Variants in COL6A6 observed in about 807,000 individuals in gnomAD.
COL6A6 encodes the protein collagen type VI alpha 6 chain.
COL6A6 carries 183 observed loss-of-function variants against 208.6 expected under a neutral mutation model. The observed-to-expected ratio is 0.88, with a 90% CI of 0.78 to 0.99. COL6A6 has a LOEUF of 0.99. Among genes scored for constraint, COL6A6 ranks in the 50% least tolerant of loss-of-function variants. The pLI, the probability that COL6A6 is intolerant of heterozygous loss-of-function variation, is 0.00. For synonymous variants in COL6A6, 973 were observed against 1,011.8 expected (o/e 0.96, Z 0.73); for missense variants, 2,816 against 2,815.2 (o/e 1.00, Z -0.01).
Position 130,642,993 on chromosome 3 carries a change from G to A in COL6A6, c.5197G>A (p.Glu1733Lys), listed in dbSNP as rs781608383. Residue 1733 changes from glutamate (E) to lysine (K), a missense_variant, in exon 31 of 37, where the codon GAG becomes AAG. Physicochemically the swap from Glu to Lys is moderately conservative, Grantham distance 56 (BLOSUM62 1). Coordinates refer to ENST00000358511, the MANE Select transcript of COL6A6 (RefSeq NM_001102608.3). ...TTTTATTTTCGAACTGCAGACATGT[G>A]AGCTCATTCAGTATGTGCGAGACCG... ...AKGLASFSTCELIQYVRDRSP... is the reference protein window; with the variant it reads ...AKGLASFSTCKLIQYVRDRSP... 4 of 1,613,736 alleles carry A rather than the reference G, an allele frequency of 2.5e-6. No individual in the cohort carries two copies. In the African/African-American group the frequency reaches 4.0e-5, roughly 16 times the overall value.
intron 1 of COL6A6, among the ~76,000 whole-genome samples, chr3:130,549,383 C>G (rs1049509639): frequency 2.6e-5 from 4 of 152,142 alleles, no homozygotes; most frequent in Admixed American, 1.3e-4. Context: ...GCCTCAAACT[C>G]TTCAGTTTAA....
At chr3:130,638,309 C>G (rs775589917) in intron 28 of COL6A6, among the ~76,000 whole-genome samples, 1 of 152,196 alleles carries the variant, frequency 6.6e-6, no homozygotes, top group Non-Finnish European at 1.5e-5. Flanking sequence ...ACTGATTCCT[C>G]CTGCTATAAA....
intron 1 of COL6A6, among the ~76,000 whole-genome samples, chr3:130,525,394 A>G (rs2061938858): frequency 6.6e-6 from 1 of 152,200 alleles, no homozygotes; most frequent in African/African-American, 2.4e-5. Context: ...CAAAATGGCG[A>G]TGTTTGAGAA....
chr3:130,568,230 T>C lies in COL6A6; in HGVS notation c.2027T>C (p.Leu676Pro), dbSNP rs368590638. The change falls in exon 6 of 37, where the codon CTC (leucine) becomes CCC (proline). Residue 676 changes from leucine (L) to proline (P), a missense_variant. Transcript: ENST00000358511. ...GACATCAATAAGGAAGAGTTTCAGC[T>C]CAACAGATTCATGTCCCAAAGCGAC... ...FSDINKEEFQ[L>P]NRFMSQSDIS... is the part of the protein sequence containing the mutation. 1 of 1,614,000 alleles carries C rather than the reference T, an allele frequency of 6.2e-7. No individual in the cohort carries two copies. Among genetic ancestry groups the C allele is most frequent in the South Asian group, 1.1e-5 (1 of 91,080 alleles).
chr3:130,543,052 C>T (rs1441495462), intron 1 of COL6A6, among the ~76,000 whole-genome samples: 4 of 151,884 alleles, frequency 2.6e-5, no homozygotes, highest in African/African-American at 9.7e-5. Context: ...ATTATAAGCA[C>T]GTGCCACCAT....
intron 8 of COL6A6, among the ~76,000 whole-genome samples, chr3:130,579,526 G>A (rs530230699): frequency 7.9e-5 from 12 of 152,224 alleles, no homozygotes; most frequent in South Asian, 2.1e-4. Flanking sequence ...AGGGCTCAGC[G>A]GGCTACTCTT....
At chr3:130,571,449 G>T (rs1304100696) in intron 7 of COL6A6, 56 bp downstream of exon 7, 1 of 1,330,000 alleles carries the variant, frequency 7.5e-7, no homozygotes, top group Non-Finnish European at 1.0e-6. Flanking sequence ...AAATGAGAGA[G>T]AAAGCAAAGC....
intron 26 of COL6A6, 126 bp downstream of exon 26, chr3:130,627,495 C>A: frequency 1.3e-6 from 1 of 769,490 alleles, no homozygotes; most frequent in Non-Finnish European, 2.2e-6. Flanking sequence ...AAATATATTT[C>A]AGTAATTTAT....
intron 23 of COL6A6, among the ~76,000 whole-genome samples, chr3:130,611,404 A>G (rs1435021495): frequency 6.6e-6 from 1 of 152,154 alleles, no homozygotes; most frequent in Non-Finnish European, 1.5e-5. Flanking sequence ...ACGGCCCTAC[A>G]TGATCTGGCC....
intron 32 of COL6A6, among the ~76,000 whole-genome samples, chr3:130,645,996 G>C (rs553407031): frequency 6.6e-6 from 1 of 152,294 alleles, no homozygotes; most frequent in African/African-American, 2.4e-5. Context: ...GTTGAATAAT[G>C]AATCTGCTTC....
At chr3:130,669,683 G>T (rs973255966) in intron 36 of COL6A6, among the ~76,000 whole-genome samples, 1 of 152,042 alleles carries the variant, frequency 6.6e-6, no homozygotes, top group Non-Finnish European at 1.5e-5. Flanking sequence ...TATGTTCAAA[G>T]AAATGAATGA....
chr3:130,573,864 C>T (rs948994307), intron 7 of COL6A6, 92 bp from the exon 8 acceptor site: 24 of 930,778 alleles, frequency 2.6e-5, no homozygotes, highest in Middle Eastern at 6.7e-4. Context: ...CCACCGCGCC[C>T]GGCCTATAGC....
chr3:130,609,523 GCATGAGGGGTCA>G (rs2064290299), intron 22 of COL6A6, among the ~76,000 whole-genome samples: 1 of 152,144 alleles, frequency 6.6e-6, no homozygotes, highest in African/African-American at 2.4e-5. Context: ...ATGAGGGGTT[GCATGAGGGGTCA>G]CATGAGGGGC....
intron 33 of COL6A6, among the ~76,000 whole-genome samples, chr3:130,654,421 G>C (rs539976622): frequency 6.6e-6 from 1 of 152,292 alleles, no homozygotes; most frequent in Non-Finnish European, 1.5e-5. Context: ...CCACAATCCA[G>C]ATGGAGTGAA....
intron 32 of COL6A6, among the ~76,000 whole-genome samples, chr3:130,645,784 A>C (rs528881705): frequency 6.6e-6 from 1 of 152,334 alleles, no homozygotes; most frequent in South Asian, 2.1e-4. Flanking sequence ...CATATTTTTC[A>C]GTGCTAGTTT....
chr3:130,539,852 G>T (rs2062318520), intron 1 of COL6A6, among the ~76,000 whole-genome samples: 1 of 151,962 alleles, frequency 6.6e-6, no homozygotes, highest in African/African-American at 2.4e-5. Flanking sequence ...TAAATGAACT[G>T]GAGGCTTAAT....
chr3:130,563,276 G>A lies in COL6A6; in HGVS notation c.273G>A (p.Leu91=), dbSNP rs771103950. ...CCTTCAAAGGCAGGAGCCCCATGCT[G>A]AACCACCTAAGGAAGAACTTTGGAT... ...LSTFKGRSPM[L]NHLRKNFGFI... Residue 91 remains leucine, a synonymous_variant, in exon 3 of 37, where the codon CTG becomes CTA. Transcript: ENST00000358511. 1.9e-6 allele frequency: 3 copies of A among 1,613,992 alleles called. No homozygotes were observed. The East Asian group carries it at 6.7e-5, about 36-fold the overall frequency.
intron 1 of COL6A6, among the ~76,000 whole-genome samples, chr3:130,530,832 A>T (rs537103434): frequency 2.6e-5 from 4 of 152,164 alleles, no homozygotes; most frequent in Non-Finnish European, 5.9e-5. Flanking sequence ...GGCCTTAAGG[A>T]AAAAGACTGA....
At chr3:130,640,656 A>C (rs1049596049) in intron 28 of COL6A6, among the ~76,000 whole-genome samples, 1 of 152,182 alleles carries the variant, frequency 6.6e-6, no homozygotes, top group Non-Finnish European at 1.5e-5. Flanking sequence ...TGAATGAAGA[A>C]AGAAATATTC....
Sources: allele counts gnomAD v4.1 joint callset (sites outside exome capture counted in the v4.1 genomes callset), GRCh38; gene constraint gnomAD v4.1.1; transcripts MANE v1.5; gene names NCBI Gene and HGNC (gene_info 2026-07-23, HGNC 2026-07-21).